CGRRF1: variants seen among roughly 807,000 people sequenced by gnomAD.
The protein encoded by CGRRF1 is cell growth regulator with ring finger domain 1.
A neutral mutation model predicts 37.2 loss-of-function variants in CGRRF1; 32 were observed. The ratio of observed to expected loss-of-function variants is 0.86; its 90% CI spans 0.65 to 1.16. The LOEUF is 1.16. Ranked by LOEUF, CGRRF1 falls within the 50% of genes most tolerant of loss-of-function variation. The pLI is 0.00. For synonymous variants in CGRRF1, 141 were observed against 140.3 expected (o/e 1.00, Z -0.04); for missense variants, 391 against 382.6 (o/e 1.02, Z -0.18).
At chr14:54,532,264 GT>G (rs1206220287) in intron 4 of CGRRF1, among the ~76,000 whole-genome samples, 9 of 152,058 alleles carry the variant, frequency 5.9e-5, no homozygotes, top group South Asian at 2.1e-4. Context: ...AAGCACCTAG[GT>G]TTTTGGTTTT....
At chr14:54,531,164 C>G (rs2032508861) in intron 4 of CGRRF1, 114 bp downstream of exon 4, 1 of 820,300 alleles carries the variant, frequency 1.2e-6, no homozygotes, top group African/African-American at 1.7e-5. Context: ...TGCATTTGGC[C>G]TACAACAACT....
At chr14:54,531,225 C>A (rs549449945) in intron 4 of CGRRF1, 175 bp downstream of exon 4, 1 of 550,742 alleles carries the variant, frequency 1.8e-6, no homozygotes, top group Admixed American at 3.5e-5. Flanking sequence ...GATTATGACT[C>A]ATTTCTTGCC....
rs1159102258 is a variant in CGRRF1 at position 54,538,915 on chromosome 14, T to C, written c.*532T>C. Reference sequence around the variant, plus strand: ...ATGTCCCTTATTATAGTTACGTAAATACAGGTCATAGTTTTAAATATAGGT... The same window carrying C: ...ATGTCCCTTATTATAGTTACGTAAACACAGGTCATAGTTTTAAATATAGGT... On this transcript the variant is annotated 3_prime_UTR_variant, in exon 6 of 6. Coordinates refer to ENST00000216420, the MANE Select transcript of CGRRF1 (RefSeq NM_006568.3). 6.6e-6 allele frequency: 1 copy of C among 152,634 alleles called. No homozygotes were observed. Among genetic ancestry groups the C allele is most frequent in the African/African-American group, 2.4e-5 (1 of 41,442 alleles). 9.5% of individuals were successfully genotyped at this position (152,634 alleles called of 1,614,324 possible). A position where few individuals can be genotyped will look rare whatever the true frequency, so the allele number is the denominator to read the frequency against.
chr14:54,527,952 G>T (rs2032442032), intron 2 of CGRRF1, among the ~76,000 whole-genome samples: 1 of 152,002 alleles, frequency 6.6e-6, no homozygotes, highest in African/African-American at 2.4e-5. Flanking sequence ...CGTTGGCCCA[G>T]GCTGGTCTCA....
intron 1 of CGRRF1, among the ~76,000 whole-genome samples, chr14:54,517,732 T>C (rs1488110047): frequency 6.6e-6 from 1 of 152,206 alleles, no homozygotes; most frequent in African/African-American, 2.4e-5. Flanking sequence ...CACCTTGATA[T>C]TAAGCCCAGC....
chr14:54,520,563 C>G (rs1378221202), intron 1 of CGRRF1, among the ~76,000 whole-genome samples: 1 of 152,322 alleles, frequency 6.6e-6, no homozygotes, highest in South Asian at 2.1e-4. Flanking sequence ...CAGTCCTACT[C>G]CTGTACTTCC....
intron 1 of CGRRF1, among the ~76,000 whole-genome samples, chr14:54,516,588 A>T: frequency 6.7e-6 from 1 of 149,490 alleles, no homozygotes; most frequent in African/African-American, 2.5e-5. Flanking sequence ...TTTTCTTAGG[A>T]TTTTCTCTAT....
At chr14:54,529,973 T>C (rs2140063925) in intron 2 of CGRRF1, 76 bp from the exon 3 acceptor site, 1 of 1,246,388 alleles carries the variant, frequency 8.0e-7, no homozygotes, top group Non-Finnish European at 1.1e-6. Flanking sequence ...AAAGGAAGCT[T>C]TTGTTACTCA....
intron 4 of CGRRF1, among the ~76,000 whole-genome samples, chr14:54,531,806 T>A (rs2032520050): frequency 6.6e-6 from 1 of 152,132 alleles, no homozygotes; most frequent in South Asian, 2.1e-4. Context: ...ATCATCTGAG[T>A]ATAATAGAAA....
intron 4 of CGRRF1, among the ~76,000 whole-genome samples, chr14:54,535,723 A>G (rs1331966103): frequency 6.6e-6 from 1 of 152,076 alleles, no homozygotes; most frequent in Non-Finnish European, 1.5e-5. Flanking sequence ...GCCAGATTTC[A>G]TCTTTACTGT....
At chr14:54,528,433 C>G (rs910406723) in intron 2 of CGRRF1, among the ~76,000 whole-genome samples, 1 of 151,900 alleles carries the variant, frequency 6.6e-6, no homozygotes, top group Non-Finnish European at 1.5e-5. Context: ...AATGAGTAGC[C>G]TTATACATAT....
intron 2 of CGRRF1, among the ~76,000 whole-genome samples, chr14:54,529,136 A>G (rs1046002196): frequency 2.0e-5 from 3 of 152,176 alleles, no homozygotes; most frequent in Admixed American, 6.5e-5. Flanking sequence ...CAATGACCAA[A>G]ACCAGGCCCT....
At chr14:54,530,826 G>A (rs1594655321) in intron 3 of CGRRF1, 77 bp from the exon 4 acceptor site, 2 of 1,170,488 alleles carry the variant, frequency 1.7e-6, no homozygotes, top group South Asian at 2.6e-5. Context: ...ATAAAGTGTT[G>A]CTAACTTATT....
chr14:54,535,644 A>G (rs751925134), intron 4 of CGRRF1, among the ~76,000 whole-genome samples: 8 of 152,140 alleles, frequency 5.3e-5, no homozygotes, highest in Non-Finnish European at 8.8e-5. Context: ...CTGTAAGATC[A>G]TGTAAATATC....
rs1368532614 is a variant in CGRRF1, at chr14:54,510,000, C to T, written c.41C>T (p.Pro14Leu). 2 of 1,613,994 alleles carry T rather than the reference C, an allele frequency of 1.2e-6. No homozygotes were observed. Among genetic ancestry groups the T allele is most frequent in the Non-Finnish European group, 8.5e-7 (1 of 1,179,842 alleles). Residue 14 changes from proline (P) to leucine (L), a missense_variant, in exon 1 of 6, where the codon CCG (proline) becomes CTG (leucine). Physicochemically the swap from Pro to Leu is moderately conservative, Grantham distance 98. Transcript: ENST00000216420. ...VFLVTLYEYS[P>L]LFYIAVVFTC... The stretch of plus-strand genomic sequence containing the variant: ...CTGGTAACGCTTTATGAATACTCGC[C>T]GCTTTTCTACATCGCGGTGGTCTTT...
chr14:54,511,217 C>T (rs2032125103), intron 1 of CGRRF1, among the ~76,000 whole-genome samples: 1 of 152,142 alleles, frequency 6.6e-6, no homozygotes, highest in Non-Finnish European at 1.5e-5. Flanking sequence ...TAGGAAGTGA[C>T]AAAAGTTTTA....
chr14:54,514,106 C>A (rs979019119), intron 1 of CGRRF1, among the ~76,000 whole-genome samples: 1 of 152,168 alleles, frequency 6.6e-6, no homozygotes, highest in African/African-American at 2.4e-5. Context: ...TTGCAAAGGG[C>A]TATCCACACT....
In CGRRF1 at chr14:54,538,869, T is replaced by C. The variant is rs1390579744; in HGVS notation, c.*486T>C. On this transcript the variant is annotated 3_prime_UTR_variant, in exon 6 of 6. Transcript: ENST00000216420. ...TTCCTGAAATAACAGCTTTTATAAA[T>C]ATCCATCTGTTTGGTTTCTAATGTC... The C allele has an allele frequency of 6.5e-6, 1 of 154,014 alleles. No homozygotes were observed. The highest frequency in any genetic ancestry group is 1.4e-5 in the Non-Finnish European group (1 of 69,186). 9.5% of individuals were successfully genotyped at this position (154,014 alleles called of 1,614,324 possible). A position where few individuals can be genotyped will look rare whatever the true frequency, so the allele number is the denominator to read the frequency against.
rs200914074 is a variant in CGRRF1, at chr14:54,524,137, T to C, written c.244+1544T>C. On this transcript the variant is annotated intron_variant, in intron 2 of 5. Transcript: ENST00000216420. ...ACTAATTACGACTTCTGCCCTGCACTTTTGACCCCCAGCAGTCATCAAATC... is the reference window on the plus strand; with the variant it reads ...ACTAATTACGACTTCTGCCCTGCACCTTTGACCCCCAGCAGTCATCAAATC... Among the ~76,000 whole-genome samples, 3 of 152,210 alleles carry C rather than the reference T, an allele frequency of 2.0e-5. No individual in the cohort carries two copies. The East Asian group carries it at 5.8e-4, about 29-fold the overall frequency.
Sources: gnomAD v4.1 joint callset for allele counts (sites outside exome capture counted in the v4.1 genomes callset) on GRCh38, gnomAD v4.1.1 for gene constraint, MANE v1.5 for transcripts, NCBI Gene and HGNC (gene_info 2026-07-23, HGNC 2026-07-21) for gene names.